Variants in CTNNA2 observed in about 807,000 individuals in gnomAD.
CTNNA2 encodes the protein catenin alpha-2.
Under a neutral mutation model 101.0 loss-of-function variants are expected in CTNNA2, and 42 were observed. That is an observed-to-expected ratio of 0.42 (90% CI 0.32 to 0.54). The LOEUF is 0.54. Among genes scored for constraint, CTNNA2 ranks in the 20% least tolerant of loss-of-function variants. The probability of loss-of-function intolerance (pLI) is 0.14; values close to 1 mark genes in which losing one functional copy is unlikely to be tolerated. For missense variants in CTNNA2, 871 were observed against 1,223.1 expected, an observed-to-expected ratio of 0.71 and a Z score of 4.29; for synonymous variants, 450 against 456.4, an observed-to-expected ratio of 0.99 and a Z score of 0.18.
chr2:79,892,788 A>G (rs1684402804), intron 6 of CTNNA2, among the ~76,000 whole-genome samples: 1 of 152,236 alleles, frequency 6.6e-6, no homozygotes, highest in Non-Finnish European at 1.5e-5. Context: ...TATCACTTTC[A>G]TAATATTGGA....
intron 2 of CTNNA2, among the ~76,000 whole-genome samples, chr2:79,248,495 C>A (rs958564107): frequency 6.6e-6 from 1 of 152,022 alleles, no homozygotes; most frequent in African/African-American, 2.4e-5. Flanking sequence ...TCAATTTAGA[C>A]CAGCCACATT....
chr2:79,747,729 A>G (rs1002153349), intron 3 of CTNNA2, among the ~76,000 whole-genome samples: 2 of 152,212 alleles, frequency 1.3e-5, no homozygotes, highest in Middle Eastern at 3.2e-3. Context: ...TGGAGTAACA[A>G]ATTTCTACAG....
intron 1 of CTNNA2, among the ~76,000 whole-genome samples, chr2:79,190,779 C>A (rs1285984228): frequency 6.6e-6 from 1 of 152,008 alleles, no homozygotes; most frequent in Non-Finnish European, 1.5e-5. Context: ...GTTATGTACC[C>A]GAGTTGTGTT....
In CTNNA2 at chr2:80,073,771, C is replaced by T. The variant is rs79354785; in HGVS notation, c.1056+163974C>T. On this transcript the variant is annotated intron_variant, in intron 7 of 18. Transcript: ENST00000402739. Reference sequence around the variant, plus strand: ...ACACACACACACACACACACACACACTTATAGGATTGGGGTCATATCACAT... The same window carrying T: ...ACACACACACACACACACACACACATTTATAGGATTGGGGTCATATCACAT... 2.2e-3 allele frequency among the ~76,000 whole-genome samples: 323 copies of T among 146,490 alleles called. 3 individuals carry two copies. Among genetic ancestry groups the T allele is most frequent in the African/African-American group, 6.7e-3 (259 of 38,842 alleles).
At chr2:80,141,295 T>C (rs1293994580) in intron 7 of CTNNA2, among the ~76,000 whole-genome samples, 1 of 151,920 alleles carries the variant, frequency 6.6e-6, no homozygotes, top group East Asian at 1.9e-4. Flanking sequence ...ATTCAACATG[T>C]AACACAGTTT....
intron 1 of CTNNA2, among the ~76,000 whole-genome samples, chr2:79,641,986 TCTTAA>T (rs1386171068): frequency 6.6e-6 from 1 of 152,182 alleles, no homozygotes; most frequent in Non-Finnish European, 1.5e-5. Flanking sequence ...GTATTATTAG[TCTTAA>T]CTTATCACCT....
At chr2:79,962,371 T>G (rs886508015) in intron 7 of CTNNA2, among the ~76,000 whole-genome samples, 23 of 152,364 alleles carry the variant, frequency 1.5e-4, no homozygotes, top group African/African-American at 5.5e-4. Flanking sequence ...ATTCATGACC[T>G]ATTCACCTCC....
intron 2 of CTNNA2, among the ~76,000 whole-genome samples, chr2:79,257,803 TA>T (rs375111398): frequency 1.1e-3 from 168 of 146,650 alleles, no homozygotes; most frequent in Middle Eastern, 3.5e-3. Flanking sequence ...CTGGTTGGCT[TA>T]AAAAAAAAAA....
At chr2:80,047,588 G>A (rs1667849449) in intron 7 of CTNNA2, among the ~76,000 whole-genome samples, 1 of 152,136 alleles carries the variant, frequency 6.6e-6, no homozygotes, top group South Asian at 2.1e-4. Flanking sequence ...GAAGAGAGCA[G>A]CCTACATGGG....
At chr2:80,005,103 A>G (rs1005715045) in intron 7 of CTNNA2, among the ~76,000 whole-genome samples, 2 of 152,136 alleles carry the variant, frequency 1.3e-5, no homozygotes, top group East Asian at 3.9e-4. Flanking sequence ...CTGGAATGGT[A>G]CTGGTTGGAA....
At chr2:79,197,869 G>C (rs1402502455) in intron 1 of CTNNA2, 1 of 152,342 alleles carries the variant, frequency 6.6e-6, no homozygotes, top group African/African-American at 2.4e-5. Flanking sequence ...CGCCTCCTGG[G>C]TTCAGGAGAT....
intron 7 of CTNNA2, among the ~76,000 whole-genome samples, chr2:80,239,520 T>A (rs539361527): frequency 6.6e-6 from 1 of 152,212 alleles, no homozygotes; most frequent in South Asian, 2.1e-4. Context: ...TACACTGTTT[T>A]TTTTCTATAC....
At chr2:80,288,373 T>C (rs1377437016) in intron 7 of CTNNA2, 1 of 152,210 alleles carries the variant, frequency 6.6e-6, no homozygotes, top group African/African-American at 2.4e-5. Flanking sequence ...TGTATTAACA[T>C]TCTTTAATAT....
chr2:80,332,096 TAATGAAACAAGCAGG>T (rs1433913980), intron 7 of CTNNA2, among the ~76,000 whole-genome samples: 1 of 152,136 alleles, frequency 6.6e-6, no homozygotes, highest in East Asian at 1.9e-4. Flanking sequence ...AATTGCTCTA[TAATGAAACAAGCAGG>T]AATGACACTG....
At chr2:80,022,143 C>T (rs574029304) in intron 7 of CTNNA2, among the ~76,000 whole-genome samples, 8 of 152,232 alleles carry the variant, frequency 5.3e-5, no homozygotes, top group South Asian at 4.1e-4. Flanking sequence ...CTGACAGCAC[C>T]GGTCATTGAA....
chr2:79,536,945 G>A (rs1573281027), intron 1 of CTNNA2, among the ~76,000 whole-genome samples: 2 of 152,016 alleles, frequency 1.3e-5, no homozygotes, highest in African/African-American at 4.8e-5. Context: ...CGGACAATCC[G>A]CCCACCTCCG....
intron 1 of CTNNA2, among the ~76,000 whole-genome samples, chr2:79,585,544 T>C (rs1279709864): frequency 6.6e-6 from 1 of 152,098 alleles, no homozygotes; most frequent in Non-Finnish European, 1.5e-5. Flanking sequence ...ATAAGATTGG[T>C]TTAATATATG....
At chr2:79,890,148 G>C (rs1002955284) in intron 6 of CTNNA2, among the ~76,000 whole-genome samples, 1 of 152,152 alleles carries the variant, frequency 6.6e-6, no homozygotes, top group Non-Finnish European at 1.5e-5. Flanking sequence ...CTTCTGCTTT[G>C]TTGGTCTCTG....
intron 9 of CTNNA2, among the ~76,000 whole-genome samples, chr2:80,508,591 A>G (rs1688460076): frequency 2.6e-5 from 4 of 151,820 alleles, no homozygotes; most frequent in Admixed American, 2.0e-4. Context: ...TCTATATTTT[A>G]TCTCTGGATC....
Sources: allele counts gnomAD v4.1 joint callset (sites outside exome capture counted in the v4.1 genomes callset), GRCh38; gene constraint gnomAD v4.1.1; transcripts MANE v1.5; gene names NCBI Gene and HGNC (gene_info 2026-07-23, HGNC 2026-07-21).